The following SUGCT variants were observed in gnomAD, a reference collection of about 807,000 sequenced individuals.
SUGCT encodes the protein succinyl-CoA:glutarate-CoA transferase.
SUGCT carries 41 observed loss-of-function variants against 55.0 expected under a neutral mutation model. The observed-to-expected ratio is 0.74, with a 90% confidence interval of 0.58 to 0.97. The LOEUF is 0.97. Ranked by LOEUF, SUGCT falls within the 50% of genes least tolerant of loss-of-function variation. The pLI is 0.00. For synonymous variants in SUGCT, 187 were observed against 200.4 expected (o/e 0.93, Z 0.56); for missense variants, 568 against 547.8 (o/e 1.04, Z -0.37).
chr7:40,580,244 T>C lies in SUGCT; in HGVS notation c.1089+83858T>C, dbSNP rs575684653. Among the ~76,000 whole-genome samples, 3 of 152,322 alleles carry C rather than the reference T, an allele frequency of 2.0e-5. No individual in the cohort carries two copies. In the East Asian group the frequency reaches 5.8e-4, roughly 29 times the overall value. ...TATAATACTGTGTGTATATAGTACA[T>C]ATATATCATACATACATTTATCTAT... On this transcript the variant is annotated intron_variant, in intron 12 of 13. Transcript: ENST00000335693.
intron 13 of SUGCT, among the ~76,000 whole-genome samples, chr7:40,837,837 C>T (rs1793071814): frequency 1.3e-5 from 2 of 152,158 alleles, no homozygotes; most frequent in East Asian, 1.9e-4. Context: ...TGGTCCCGAC[C>T]TCCTGACCTC....
intron 12 of SUGCT, among the ~76,000 whole-genome samples, chr7:40,599,911 C>G (rs1798207700): frequency 6.6e-6 from 1 of 152,166 alleles, no homozygotes; most frequent in Non-Finnish European, 1.5e-5. Context: ...GAAGCCCTTC[C>G]AAAGTGCCCG....
At chr7:40,335,323 A>G (rs1402539992) in intron 9 of SUGCT, among the ~76,000 whole-genome samples, 3 of 151,806 alleles carry the variant, frequency 2.0e-5, no homozygotes, top group African/African-American at 4.8e-5. Flanking sequence ...CATTGAATCT[A>G]TAAATTACCT....
intron 9 of SUGCT, among the ~76,000 whole-genome samples, chr7:40,375,913 A>G (rs752316794): frequency 6.6e-6 from 1 of 152,224 alleles, no homozygotes; most frequent in East Asian, 1.9e-4. Context: ...TGGTTAGAAT[A>G]TAGCTGAGAA....
In SUGCT at chr7:40,577,336, A is replaced by G. The variant is rs115964148; in HGVS notation, c.1089+80950A>G. Among the ~76,000 whole-genome samples, 167 of 152,190 alleles carry G rather than the reference A, an allele frequency of 1.1e-3. 1 individual carries two copies. Among genetic ancestry groups the G allele is most frequent in the African/African-American group, 3.9e-3 (160 of 41,554 alleles). On this transcript the variant is annotated intron_variant, in intron 12 of 13. Transcript: ENST00000335693. ...AGATTGGGTGGAAGCATCCCAAGAC[A>G]TTAGTTCTAATATCTGGGTATCTTG...
At chr7:40,922,020 C>T in the SUGCT span, among the ~76,000 whole-genome samples, 1 of 152,224 alleles carries the variant, frequency 6.6e-6, no homozygotes, top group Admixed American at 6.5e-5. Flanking sequence ...CACCAGTGTT[C>T]CTATATTAAC....
chr7:40,675,966 C>A (rs1783957294), intron 12 of SUGCT, among the ~76,000 whole-genome samples: 1 of 152,044 alleles, frequency 6.6e-6, no homozygotes, highest in Admixed American at 6.6e-5. Flanking sequence ...TCAGGGAGAC[C>A]AGTGAGGTGG....
At chr7:40,816,799 T>C (rs1007573916) in intron 13 of SUGCT, among the ~76,000 whole-genome samples, 1 of 152,212 alleles carries the variant, frequency 6.6e-6, no homozygotes, top group Non-Finnish European at 1.5e-5. Context: ...AGTAAAGGCC[T>C]CTGTACATAT....
intron 12 of SUGCT, among the ~76,000 whole-genome samples, chr7:40,579,649 C>A (rs1487742993): frequency 1.3e-5 from 2 of 152,108 alleles, no homozygotes; most frequent in Non-Finnish European, 2.9e-5. Context: ...ACGTGGGTGT[C>A]TAGATTCCAG....
chr7:40,783,642 C>A (rs2128739797), intron 13 of SUGCT: 1 of 152,204 alleles, frequency 6.6e-6, no homozygotes. Flanking sequence ...CCCTTTCCAG[C>A]CACTGATTTG....
chr7:40,781,344 C>A (rs1172282508), intron 13 of SUGCT, among the ~76,000 whole-genome samples: 1 of 152,052 alleles, frequency 6.6e-6, no homozygotes, highest in Non-Finnish European at 1.5e-5. Context: ...CGATGGAAAT[C>A]ATAATAAAAG....
At chr7:40,462,353 G>C (rs1789848204) in intron 11 of SUGCT, among the ~76,000 whole-genome samples, 1 of 152,148 alleles carries the variant, frequency 6.6e-6, no homozygotes, top group African/African-American at 2.4e-5. Flanking sequence ...TGTCAGGTTG[G>C]TTCAGAGAGA....
In SUGCT at chr7:40,273,167, G is replaced by T. The variant is rs558668261; in HGVS notation, c.577-1346G>T. 1.4e-4 allele frequency among the ~76,000 whole-genome samples: 22 copies of T among 152,190 alleles called. No homozygotes were observed. The East Asian group carries it at 4.3e-3, about 29-fold the overall frequency. On this transcript the variant is annotated intron_variant, in intron 7 of 13. Transcript: ENST00000335693. ...CTTTTGACAATAATAATAGTAAACT[G>T]CCAGACATTTCCAAGTTTCATGGCA...
chr7:40,456,282 TC>T (rs1273568474), intron 10 of SUGCT, among the ~76,000 whole-genome samples: 1 of 152,176 alleles, frequency 6.6e-6, no homozygotes, highest in African/African-American at 2.4e-5. Context: ...CGCCTTGGCC[TC>T]CCAAAAGTGC....
intron 8 of SUGCT, among the ~76,000 whole-genome samples, chr7:40,281,758 G>A (rs1948791): frequency 0.64 from 96,695 of 152,008 alleles, 31,085 homozygotes; most frequent in Non-Finnish European, 0.7. Flanking sequence ...GACCAAAGGA[G>A]CAGCATAGAA....
rs376306559 is a variant in SUGCT at position 40,141,461 on chromosome 7, C to T, written c.100+6341C>T. Among the ~76,000 whole-genome samples, 62 of 151,900 alleles carry T rather than the reference C, an allele frequency of 4.1e-4. 1 individual carries two copies. The South Asian group carries it at 0.012, about 30-fold the overall frequency. On this transcript the variant is annotated intron_variant, in intron 1 of 13. Coordinates refer to ENST00000335693, the MANE Select transcript of SUGCT (RefSeq NM_001193313.2). ...CAGCCTGGCCAACATAGTGAAACCC[C>T]GTCTCTAGTAAAAATACAAAAAAAT...
intron 12 of SUGCT, among the ~76,000 whole-genome samples, chr7:40,670,770 G>A (rs1398308351): frequency 6.6e-6 from 1 of 151,726 alleles, no homozygotes; most frequent in Non-Finnish European, 1.5e-5. Context: ...ATAAAATTGA[G>A]GTCAAAATTT....
intron 13 of SUGCT, among the ~76,000 whole-genome samples, chr7:40,817,264 C>T (rs994782176): frequency 2.6e-5 from 4 of 152,136 alleles, no homozygotes; most frequent in African/African-American, 7.2e-5. Context: ...TTGGAGGAGA[C>T]AGATGAGAAA....
chr7:40,380,631 A>C (rs1478822459), intron 9 of SUGCT, among the ~76,000 whole-genome samples: 1 of 152,114 alleles, frequency 6.6e-6, no homozygotes, highest in Non-Finnish European at 1.5e-5. Context: ...TTCACTGAGA[A>C]TTATCAGAAT....
Sources: allele counts gnomAD v4.1 joint callset (sites outside exome capture counted in the v4.1 genomes callset), GRCh38; gene constraint gnomAD v4.1.1; transcripts MANE v1.5; gene names NCBI Gene and HGNC (gene_info 2026-07-23, HGNC 2026-07-21).